The following ANKS1B variants were observed in gnomAD, a reference collection of about 807,000 sequenced individuals.
ANKS1B encodes ankyrin repeat and sterile alpha motif domain-containing protein 1B.
A neutral mutation model predicts 148.3 loss-of-function variants in ANKS1B; 36 were observed. That is an observed-to-expected ratio of 0.24 (90% CI 0.19 to 0.32). The LOEUF (loss-of-function observed/expected upper bound fraction) is 0.32. ANKS1B is among the 10% of genes least tolerant of loss of function. The pLI is 1.00. For missense variants in ANKS1B, 1,157 were observed against 1,542.6 expected (o/e 0.75, Z 4.19); for synonymous variants, 542 against 560.8 (o/e 0.97, Z 0.47).
intron 17 of ANKS1B, among the ~76,000 whole-genome samples, chr12:98,972,665 T>C (rs752228906): frequency 1.4e-4 from 21 of 152,184 alleles, no homozygotes; most frequent in Non-Finnish European, 2.9e-4. Context: ...GCATTCCAGC[T>C]GCCAGAAGGA....
At chr12:99,607,201 C>T (rs1024028957) in intron 9 of ANKS1B, among the ~76,000 whole-genome samples, 1 of 152,064 alleles carries the variant, frequency 6.6e-6, no homozygotes, top group Admixed American at 6.6e-5. Context: ...ACCATAGCCT[C>T]CTTCCCAGAC....
In ANKS1B at chr12:98,745,482, G is replaced by A. The variant is rs939982981; in HGVS notation, c.*257C>T. 4.8e-5 allele frequency: 56 copies of A among 1,159,398 alleles called. No homozygotes were observed. Among genetic ancestry groups the A allele is most frequent in the South Asian group, 8.3e-5 (3 of 35,992 alleles). 71.8% of individuals were successfully genotyped at this position (1,159,398 alleles called of 1,614,324 possible). On this transcript the variant is annotated 3_prime_UTR_variant, in exon 27 of 27. Transcript: ENST00000683438. Reference sequence around the variant, plus strand: ...CAGAAATACCTTGGGAGGTGGTGGGGAGGGGAGTCGGGAGCATCAGGGAAA... The same window carrying A: ...CAGAAATACCTTGGGAGGTGGTGGGAAGGGGAGTCGGGAGCATCAGGGAAA...
At position 99,046,808 on chromosome 12, in the gene ANKS1B, A is replaced by T. The variant is rs981405032; in HGVS notation, c.2778+6349T>A. On this transcript the variant is annotated intron_variant, in intron 17 of 26. Transcript: ENST00000683438. The stretch of plus-strand genomic sequence containing the variant: ...GGGCAACAGAGCGAGACTCTGTCTT[A>T]AAAAAAAAGAAAAAAAAAAGAAAAA... Among the ~76,000 whole-genome samples the T allele has an allele frequency of 9.6e-5, 6 of 62,460 alleles. No individual in the cohort carries two copies. In the East Asian group the frequency reaches 4.6e-3, roughly 48 times the overall value. 41.0% of individuals were successfully genotyped at this position (62,460 alleles called of 152,430 possible).
At chr12:99,558,518 G>C (rs934944661) in intron 9 of ANKS1B, among the ~76,000 whole-genome samples, 1 of 152,196 alleles carries the variant, frequency 6.6e-6, no homozygotes, top group African/African-American at 2.4e-5. Flanking sequence ...CAGTGGGGAG[G>C]CTGTAGTGGG....
intron 1 of ANKS1B, among the ~76,000 whole-genome samples, chr12:99,873,626 C>T (rs1300047317): frequency 6.6e-6 from 1 of 152,184 alleles, no homozygotes; most frequent in East Asian, 1.9e-4. Flanking sequence ...ACAGACCATT[C>T]TCTTTCATCA....
intron 8 of ANKS1B, among the ~76,000 whole-genome samples, chr12:99,747,325 C>G (rs2060687131): frequency 6.6e-6 from 1 of 151,946 alleles, no homozygotes; most frequent in Non-Finnish European, 1.5e-5. Flanking sequence ...AGAGTGATCC[C>G]TGGTTTCCTC....
At chr12:99,119,017 AT>A (rs1265728928) in intron 15 of ANKS1B, among the ~76,000 whole-genome samples, 3 of 152,202 alleles carry the variant, frequency 2.0e-5, no homozygotes, top group African/African-American at 4.8e-5. Flanking sequence ...AGCAGGGTGA[AT>A]AAGAGCCCCC....
At chr12:99,226,237 A>C (rs905177682) in intron 14 of ANKS1B, among the ~76,000 whole-genome samples, 1 of 152,208 alleles carries the variant, frequency 6.6e-6, no homozygotes, top group Non-Finnish European at 1.5e-5. Context: ...GTAAGTGCAC[A>C]GGGTAATAGA....
At chr12:99,726,422 AAACT>A (rs1347893474) in intron 8 of ANKS1B, among the ~76,000 whole-genome samples, 1 of 152,218 alleles carries the variant, frequency 6.6e-6, no homozygotes, top group Non-Finnish European at 1.5e-5. Flanking sequence ...CATCATCCCA[AAACT>A]AAACCAGGAA....
At chr12:99,460,907 G>T (rs1467128574) in intron 10 of ANKS1B, among the ~76,000 whole-genome samples, 3 of 152,028 alleles carry the variant, frequency 2.0e-5, no homozygotes, top group Non-Finnish European at 4.4e-5. Flanking sequence ...CCTACCCAGA[G>T]GAAAATAAGT....
At chr12:99,976,179 GAC>G (rs1042141619) in intron 1 of ANKS1B, among the ~76,000 whole-genome samples, 1 of 152,146 alleles carries the variant, frequency 6.6e-6, no homozygotes, top group African/African-American at 2.4e-5. Context: ...GGGAACGAAA[GAC>G]ACAGTGGACT....
intron 1 of ANKS1B, among the ~76,000 whole-genome samples, chr12:99,982,333 T>TAAA (rs35728993): frequency 6.9e-6 from 1 of 144,484 alleles, no homozygotes; most frequent in Non-Finnish European, 1.5e-5. Context: ...ATCTATTCTT[T>TAAA]AAAAAAAAAA....
At chr12:99,107,671 C>A (rs2059507885) in intron 15 of ANKS1B, among the ~76,000 whole-genome samples, 1 of 152,174 alleles carries the variant, frequency 6.6e-6, no homozygotes, top group African/African-American at 2.4e-5. Context: ...AATCGCCCGG[C>A]CTGGGATGCA....
chr12:98,986,703 C>A (rs972012082), intron 17 of ANKS1B, among the ~76,000 whole-genome samples: 2 of 152,118 alleles, frequency 1.3e-5, no homozygotes, highest in South Asian at 4.2e-4. Flanking sequence ...CAGCCTTGAC[C>A]TACCAGGCTC....
intron 14 of ANKS1B, among the ~76,000 whole-genome samples, chr12:99,216,322 C>T (rs1412514155): frequency 6.6e-6 from 1 of 152,148 alleles, no homozygotes; most frequent in Non-Finnish European, 1.5e-5. Context: ...GAGTCATACA[C>T]CCTGGGACCC....
intron 1 of ANKS1B, among the ~76,000 whole-genome samples, chr12:99,865,261 A>G (rs2090576329): frequency 1.3e-5 from 2 of 152,240 alleles, no homozygotes; most frequent in South Asian, 4.1e-4. Context: ...ACTTTGCCAT[A>G]TTATGTAAAC....
chr12:99,045,908 G>A (rs990214617), intron 17 of ANKS1B, among the ~76,000 whole-genome samples: 6 of 152,208 alleles, frequency 3.9e-5, no homozygotes, highest in Non-Finnish European at 5.9e-5. Context: ...AGGTAGACTA[G>A]CGTGGCTAGA....
Position 98,917,693 on chromosome 12 carries a change from G to C in ANKS1B, c.2779-85557C>G, listed in dbSNP as rs151249568. ...CTCATGATAATAAAAATGCCTGACA[G>C]CTCTGAGATTAGTGAGTAGCCCTTA... On this transcript the variant is annotated intron_variant, in intron 17 of 26. Coordinates refer to ENST00000683438, the MANE Select transcript of ANKS1B (RefSeq NM_001352186.2). Among the ~76,000 whole-genome samples the C allele has an allele frequency of 8.5e-5, 13 of 152,296 alleles. No individual in the cohort carries two copies. The East Asian group carries it at 2.5e-3, about 29-fold the overall frequency.
At chr12:99,020,641 A>C (rs1208242956) in intron 17 of ANKS1B, among the ~76,000 whole-genome samples, 2 of 152,108 alleles carry the variant, frequency 1.3e-5, no homozygotes, top group Admixed American at 6.6e-5. Context: ...ATTTATATTA[A>C]ATTTACTATT....
Sources: gnomAD v4.1 joint callset for allele counts (sites outside exome capture counted in the v4.1 genomes callset) on GRCh38, gnomAD v4.1.1 for gene constraint, MANE v1.5 for transcripts, NCBI Gene and HGNC (gene_info 2026-07-23, HGNC 2026-07-21) for gene names.